Variants in APLP1 observed in about 807,000 individuals in gnomAD.
APLP1 encodes amyloid beta precursor like protein 1.
Under a neutral mutation model 84.5 loss-of-function variants are expected in APLP1, and 46 were observed. The ratio of observed to expected loss-of-function variants is 0.54; its 90% CI spans 0.43 to 0.70. APLP1 has a LOEUF of 0.70. APLP1 is among the 30% of genes least tolerant of loss of function. APLP1 has a pLI of 0.00. For missense variants in APLP1, 826 were observed against 900.2 expected, an observed-to-expected ratio of 0.92 and a Z score of 1.05; for synonymous variants, 376 against 364.0, an observed-to-expected ratio of 1.03 and a Z score of -0.38.
chr19:35,873,590 G>C (rs767462849), intron 7 of APLP1, 49 bp from the exon 8 acceptor site: 2 of 1,593,422 alleles, frequency 1.3e-6, no homozygotes, highest in South Asian at 2.2e-5. Context: ...GGACTTGCCA[G>C]GTGGATCAGG....
intron 7 of APLP1, 70 bp downstream of exon 7, chr19:35,872,683 G>A (rs926259054): frequency 1.3e-6 from 2 of 1,528,522 alleles, no homozygotes. Flanking sequence ...ATTCCTCCAG[G>A]ACACATTGAT....
intron 14 of APLP1, 25 bp downstream of exon 14, chr19:35,878,679 C>G: frequency 6.2e-7 from 1 of 1,613,564 alleles, no homozygotes; most frequent in Non-Finnish European, 8.5e-7. Flanking sequence ...ACTGTGGGCT[C>G]CCTAAGGGGA....
rs1156249745 is a variant in APLP1, at chr19:35,878,897, C to T, written c.1658C>T (p.Ala553Val). 4 of 1,613,946 alleles carry T rather than the reference C, an allele frequency of 2.5e-6. No individual in the cohort carries two copies. The highest frequency in any genetic ancestry group is 2.7e-5 in the African/African-American group (2 of 74,882). The change falls in exon 15 of 17, where the codon GCG becomes GTG. Residue 553 changes from alanine (A) to valine (V), a missense_variant. Ala to Val is a moderately conservative substitution (Grantham distance 64, BLOSUM62 0). Coordinates refer to ENST00000221891, the MANE Select transcript of APLP1 (RefSeq NM_001024807.3). The part of the protein sequence containing the change: ...PLEQYERKVN[A>V]SVPRGFPFHS... ...CACCTCCTGCTCCCCCAGGTGAATGCGTCTGTTCCAAGGGGTTTCCCTTTC... is the reference window on the plus strand; with the variant it reads ...CACCTCCTGCTCCCCCAGGTGAATGTGTCTGTTCCAAGGGGTTTCCCTTTC...
At chr19:35,875,616 C>T (rs1231111550) in intron 10 of APLP1, among the ~76,000 whole-genome samples, 6 of 152,140 alleles carry the variant, frequency 3.9e-5, no homozygotes, top group South Asian at 4.2e-4. Context: ...CCACCACGCC[C>T]GGCCCCAGCT....
chr19:35,869,362 C>T (rs993719080), intron 1 of APLP1: 1 of 573,320 alleles, frequency 1.7e-6, no homozygotes, highest in African/African-American at 2.0e-5. Flanking sequence ...GCCTCCTCCT[C>T]CGCGATTCAG....
At chr19:35,869,490 G>A in intron 1 of APLP1, 177 bp from the exon 2 acceptor site, 1 of 874,814 alleles carries the variant, frequency 1.1e-6, no homozygotes, top group South Asian at 1.5e-5. Flanking sequence ...CGGGAGCGCT[G>A]GGGCGCCCCC....
At chr19:35,872,440 G>A (rs1431313145) in intron 6 of APLP1, 43 bp from the exon 7 acceptor site, 1 of 1,595,324 alleles carries the variant, frequency 6.3e-7, no homozygotes, top group Non-Finnish European at 8.5e-7. Context: ...AAGGCGACCT[G>A]GAGGTGGGCT....
In APLP1 at chr19:35,869,583, G is replaced by T. The variant is rs572975466; in HGVS notation, c.148-84G>T. On this transcript the variant is annotated intron_variant, in intron 1 of 16. Coordinates refer to ENST00000221891, the MANE Select transcript of APLP1 (RefSeq NM_001024807.3). Reference sequence around the variant, plus strand: ...TTGGGGGAGGGGGCTGGTGCTGGGGGTCTCGGTCCTAGGGAGCAAAGAACC... The same window carrying T: ...TTGGGGGAGGGGGCTGGTGCTGGGGTTCTCGGTCCTAGGGAGCAAAGAACC... 2.2e-5 allele frequency: 34 copies of T among 1,544,784 alleles called. No individual in the cohort carries two copies. In the South Asian group the frequency reaches 3.5e-4, roughly 16 times the overall value.
At position 35,877,728 on chromosome 19, in the gene APLP1, C is replaced by G. The variant is rs148721665; in HGVS notation, c.1455C>G (p.Leu485=). 49 of 1,612,540 alleles carry G rather than the reference C, an allele frequency of 3.0e-5. No homozygotes were observed. Among genetic ancestry groups the G allele is most frequent in the Non-Finnish European group, 4.0e-5 (47 of 1,179,182 alleles). ...GCATGTCCCCCTCAGAGGAACTCCT[C>G]CACTCTGAACACCTGGGTCCCAGTG... The part of the protein sequence containing the change: ...QELRPQIQEL[L]HSEHLGPSEL... The change falls in exon 12 of 17, where the codon CTC becomes CTG. Residue 485 remains leucine (L), a synonymous_variant. Coordinates refer to ENST00000221891, the MANE Select transcript of APLP1 (RefSeq NM_001024807.3).
At chr19:35,870,017 G>T (rs1353548543) in intron 2 of APLP1, among the ~76,000 whole-genome samples, 1 of 152,090 alleles carries the variant, frequency 6.6e-6, no homozygotes, top group Non-Finnish European at 1.5e-5. Flanking sequence ...AGAGGAAGTG[G>T]AATTTAGGAA....
chr19:35,873,763 A>G lies in APLP1; in HGVS notation c.1056+50A>G, dbSNP rs776774332. On this transcript the variant is annotated intron_variant, in intron 8 of 16. Coordinates refer to ENST00000221891, the MANE Select transcript of APLP1 (RefSeq NM_001024807.3). Reference sequence around the variant, plus strand: ...CTCATGCCTGTCCACCACCTGGAGCACACTCAGTTTCACCTGGCTCTGGCT... The same window carrying G: ...CTCATGCCTGTCCACCACCTGGAGCGCACTCAGTTTCACCTGGCTCTGGCT... The G allele has an allele frequency of 5.1e-6, 8 of 1,563,666 alleles. No homozygotes were observed. The South Asian group carries it at 9.1e-5, about 18-fold the overall frequency.
Position 35,879,346 on chromosome 19 carries a change from G to C in APLP1, c.1861G>C (p.Asp621His). ...TTCCCTCCCCTGCTCGTTGCAGGTG[G>C]ACCCCATGCTGACCCTGGAGGAGCA... Reference protein sequence around the residue: ...GAISHGVVEVDPMLTLEEQQL... With the variant: ...GAISHGVVEVHPMLTLEEQQL... Residue 621 changes from aspartate (D) to histidine (H), a missense_variant, in exon 17 of 17, where the codon GAC (aspartate) becomes CAC (histidine). This residue lies in a region of APLP1 where 433 missense variants were observed against 496.5 expected (regional missense o/e 0.87). Coordinates refer to ENST00000221891, the MANE Select transcript of APLP1 (RefSeq NM_001024807.3). 6.2e-7 allele frequency: 1 copy of C among 1,613,916 alleles called. No homozygotes were observed. The highest frequency in any genetic ancestry group is 8.5e-7 in the Non-Finnish European group (1 of 1,179,978).
chr19:35,877,488 CAAA>C (rs1249622069), intron 11 of APLP1, among the ~76,000 whole-genome samples: 2 of 92,934 alleles, frequency 2.2e-5, no homozygotes, highest in African/African-American at 8.8e-5. Flanking sequence ...GACTCTGTCT[CAAA>C]AAAAAAAAAA....
Position 35,874,723 on chromosome 19 carries a change from C to G in APLP1, c.1216-18C>G, listed in dbSNP as rs1974239223. On this transcript the variant is annotated intron_variant, in intron 9 of 16. Transcript: ENST00000221891. This position sits in a 1 kb window ranked among gnomAD's most constrained non-coding sequence, Gnocchi z 6.4. Reference sequence around the variant, plus strand: ...GAAGGGTCAGGGCGGGCTTGGGCATCCTGTGTCCCTTCCACAGGCGGAGCG... The same window carrying G: ...GAAGGGTCAGGGCGGGCTTGGGCATGCTGTGTCCCTTCCACAGGCGGAGCG... 6.2e-7 allele frequency: 1 copy of G among 1,612,378 alleles called. No homozygotes were observed. Among genetic ancestry groups the G allele is most frequent in the Admixed American group, 1.7e-5 (1 of 59,970 alleles).
At position 35,868,999 on chromosome 19, in the gene APLP1, T is replaced by A. The variant is rs1974068149; in HGVS notation, c.147+216T>A. On this transcript the variant is annotated intron_variant, in intron 1 of 16. Transcript: ENST00000221891. The surrounding 1 kb of genome is among the most constrained non-coding windows in gnomAD (Gnocchi z 5.2). ...CTCCCATCTCGAGCATAGGAACTGG[T>A]CTATTCAGAGCCCCTGGTCCCAGAA... 3 of 381,664 alleles carry A rather than the reference T, an allele frequency of 7.9e-6. No homozygotes were observed. The Admixed American group carries it at 1.5e-4, about 18-fold the overall frequency. 23.6% of individuals were successfully genotyped at this position (381,664 alleles called of 1,614,324 possible).
chr19:35,873,699 C>T lies in APLP1; in HGVS notation c.1042C>T (p.Gln348Ter). 6.2e-7 allele frequency: 1 copy of T among 1,614,066 alleles called. No individual in the cohort carries two copies. The highest frequency in any genetic ancestry group is 8.5e-7 in the Non-Finnish European group (1 of 1,179,978). The change falls in exon 8 of 17, where the codon CAG becomes TAG. Residue 348 changes from glutamine to a stop codon, truncating the protein, a stop_gained. Coordinates refer to ENST00000221891, the MANE Select transcript of APLP1 (RefSeq NM_001024807.3). LOFTEE classifies it high-confidence loss of function. ...CAAGAACCTGCCTAAAGCCGACAGACAGGCCCTGAATGAGGTAGGACAGCC... is the reference window on the plus strand; with the variant it reads ...CAAGAACCTGCCTAAAGCCGACAGATAGGCCCTGAATGAGGTAGGACAGCC... ...QSKNLPKADRQALNEHFQSIL... is the reference protein window; with the variant it reads ...QSKNLPKADR
intron 11 of APLP1, among the ~76,000 whole-genome samples, 179 bp from the exon 12 acceptor site, chr19:35,877,539 C>T (rs565127545): frequency 6.6e-6 from 1 of 151,944 alleles, no homozygotes; most frequent in Admixed American, 6.6e-5. Flanking sequence ...CAGCCTCCAT[C>T]CTTCCTGCCA....
Position 35,876,577 on chromosome 19 carries a change from C to A in APLP1, c.1405C>A (p.Gln469Lys). Reference protein sequence around the residue: ...RVNQSLGLLDQNPHLAQELRP... With the variant: ...RVNQSLGLLDKNPHLAQELRP... Reference sequence around the variant, plus strand: ...GAATCAGAGCCTGGGCCTGCTTGACCAGAACCCCCACCTGGCTCAGGAGCT... The same window carrying A: ...GAATCAGAGCCTGGGCCTGCTTGACAAGAACCCCCACCTGGCTCAGGAGCT... The change falls in exon 11 of 17, where the codon CAG becomes AAG. Residue 469 changes from glutamine to lysine, a missense_variant. By Grantham distance (53) the Gln-to-Lys change is moderately conservative. Around this residue, in one of 3 missense-constraint regions of APLP1, gnomAD observed 433 missense variants for 496.5 expected, o/e 0.87. Coordinates refer to ENST00000221891, the MANE Select transcript of APLP1 (RefSeq NM_001024807.3). The A allele has an allele frequency of 6.2e-7, 1 of 1,613,574 alleles. No individual in the cohort carries two copies. The highest frequency in any genetic ancestry group is 1.1e-5 in the South Asian group (1 of 90,970).
intron 8 of APLP1, 124 bp downstream of exon 8, chr19:35,873,837 C>A: frequency 1.2e-6 from 1 of 856,742 alleles, no homozygotes; most frequent in Non-Finnish European, 1.9e-6. Flanking sequence ...TCAGCCTTTC[C>A]TGGCCCCATG....
Sources: gnomAD v4.1 joint callset for allele counts (sites outside exome capture counted in the v4.1 genomes callset) on GRCh38, gnomAD v4.1.1 for gene constraint, gnomAD v4.1.1 regional missense constraint, Gnocchi (gnomAD v3.1) non-coding constraint, MANE v1.5 for transcripts, NCBI Gene and HGNC (gene_info 2026-07-23, HGNC 2026-07-21) for gene names.